The following RASAL1 variants were observed in gnomAD, a reference collection of about 807,000 sequenced individuals.
RASAL1 encodes the protein RAS protein activator like 1.
Under a neutral mutation model 96.6 loss-of-function variants are expected in RASAL1, and 72 were observed. The ratio of observed to expected loss-of-function variants is 0.75; its 90% CI spans 0.62 to 0.91. The LOEUF (loss-of-function observed/expected upper bound fraction) is 0.91. Ranked by LOEUF, RASAL1 falls within the 40% of genes least tolerant of loss-of-function variation. RASAL1 has a pLI of 0.00. For missense variants in RASAL1, 1,016 were observed against 1,072.5 expected, an observed-to-expected ratio of 0.95 and a Z score of 0.74; for synonymous variants, 405 against 430.4, an observed-to-expected ratio of 0.94 and a Z score of 0.73.
chr12:113,126,295 A>T (rs188858936), intron 4 of RASAL1, among the ~76,000 whole-genome samples: 139 of 152,226 alleles, frequency 9.1e-4, no homozygotes, highest in African/African-American at 2.3e-3. Context: ...AAAAATAAAT[A>T]AATTAATTAA....
chr12:113,111,007 C>T (rs1950846501), intron 13 of RASAL1, among the ~76,000 whole-genome samples: 1 of 152,200 alleles, frequency 6.6e-6, no homozygotes, highest in Non-Finnish European at 1.5e-5. Flanking sequence ...TCCTATATGG[C>T]AGTGATCCCC....
intron 15 of RASAL1, among the ~76,000 whole-genome samples, chr12:113,106,610 G>C (rs1253022250): frequency 2.6e-5 from 4 of 151,976 alleles, no homozygotes; most frequent in African/African-American, 9.7e-5. Flanking sequence ...GATCCTCAAG[G>C]CTCTCTAACT....
At chr12:113,107,491 C>T (rs1043390104) in intron 14 of RASAL1, 9 of 592,606 alleles carry the variant, frequency 1.5e-5, no homozygotes, top group Admixed American at 1.3e-4. Context: ...GTCGTGGTGG[C>T]TCACGCCTGT....
chr12:113,107,341 T>C lies in RASAL1; in HGVS notation c.1513-100A>G, dbSNP rs998865857. 1.2e-5 allele frequency: 16 copies of C among 1,366,714 alleles called. No individual in the cohort carries two copies. The Admixed American group carries it at 4.0e-4, about 34-fold the overall frequency. The allele number at this position is 1,366,714 out of a possible 1,614,324, so 84.7% of individuals were successfully genotyped here. A position where few individuals can be genotyped will look rare whatever the true frequency, so the allele number is the denominator to read the frequency against. On this transcript the variant is annotated intron_variant, in intron 14 of 20. Coordinates refer to ENST00000548055, the MANE Select transcript of RASAL1 (RefSeq NM_001301202.2). ...GTGCTCAATAAAAGAAGACTCATAT[T>C]GCCGGGCACAGTGGCTCATGCCTGT...
chr12:113,114,112 T>A (rs1330825738), intron 12 of RASAL1, among the ~76,000 whole-genome samples: 1 of 152,176 alleles, frequency 6.6e-6, no homozygotes, highest in Non-Finnish European at 1.5e-5. Context: ...ATAAGGGACA[T>A]TTTAGAAGTA....
intron 16 of RASAL1, among the ~76,000 whole-genome samples, chr12:113,105,212 G>T (rs1950604200): frequency 6.6e-6 from 1 of 152,270 alleles, no homozygotes; most frequent in Non-Finnish European, 1.5e-5. Context: ...CCCCACAAGG[G>T]CAGGATTTTC....
intron 7 of RASAL1, among the ~76,000 whole-genome samples, chr12:113,117,402 G>A (rs919535949): frequency 2.6e-5 from 4 of 152,204 alleles, no homozygotes; most frequent in Non-Finnish European, 5.9e-5. Flanking sequence ...GAGGCTCAGC[G>A]ATGTGGAGTG....
At chr12:113,128,265 CACACACACACACACACGGGAATCCAG>C in intron 2 of RASAL1, 87 bp from the exon 3 acceptor site, 1 of 744,728 alleles carries the variant, frequency 1.3e-6, no homozygotes, top group Non-Finnish European at 2.3e-6. Context: ...CACACACACA[CACACACACACACACACGGGAATCCAG>C]ACACACACAC....
rs781456563 is a variant in RASAL1 at position 113,119,451 on chromosome 12, C to A, written c.429-8G>T. Reference sequence around the variant, plus strand: ...TCTCTGGGAGCCAGGTCCCTGGGAACAGATGGGGAAAGGAGTGAGGAAACA... The same window carrying A: ...TCTCTGGGAGCCAGGTCCCTGGGAAAAGATGGGGAAAGGAGTGAGGAAACA... On this transcript the variant is annotated splice_polypyrimidine_tract_variant and splice_region_variant and intron_variant, in intron 5 of 20. Transcript: ENST00000548055. The A allele has an allele frequency of 6.3e-6, 10 of 1,599,004 alleles. No individual in the cohort carries two copies. The African/African-American group carries it at 1.2e-4, about 19-fold the overall frequency.
intron 4 of RASAL1, among the ~76,000 whole-genome samples, chr12:113,124,982 C>G (rs1240499530): frequency 6.6e-6 from 1 of 151,894 alleles, no homozygotes; most frequent in Non-Finnish European, 1.5e-5. Flanking sequence ...CAATAAATGG[C>G]CAGGCATGGT....
intron 5 of RASAL1, 70 bp from the exon 6 acceptor site, chr12:113,119,513 G>A (rs1173958160): frequency 3.6e-6 from 5 of 1,399,410 alleles, no homozygotes; most frequent in Non-Finnish European, 4.9e-6. Flanking sequence ...GCTGTTAAGA[G>A]TAGATCATTC....
Position 113,128,214 on chromosome 12 carries a change from G to A in RASAL1, c.123-36C>T, listed in dbSNP as rs775357703. 4 of 1,421,094 alleles carry A rather than the reference G, an allele frequency of 2.8e-6. No homozygotes were observed. The African/African-American group carries it at 4.2e-5, about 15-fold the overall frequency. 88.0% of individuals were successfully genotyped at this position (1,421,094 alleles called of 1,614,324 possible). A position where few individuals can be genotyped will look rare whatever the true frequency, so the allele number is the denominator to read the frequency against. The stretch of plus-strand genomic sequence containing the variant: ...AGGTGCAGGGGGCTGGGGTCCTCGG[G>A]CCACACAGGAGGCAGACACCTGGAG... On this transcript the variant is annotated intron_variant, in intron 2 of 20. Transcript: ENST00000548055.
intron 18 of RASAL1, among the ~76,000 whole-genome samples, chr12:113,102,717 C>T (rs1389401235): frequency 2.0e-5 from 3 of 152,040 alleles, no homozygotes; most frequent in Non-Finnish European, 4.4e-5. Flanking sequence ...GACTCTGTCT[C>T]AAAAACAAAA....
intron 1 of RASAL1, among the ~76,000 whole-genome samples, chr12:113,132,357 C>G (rs1248877165): frequency 6.6e-6 from 1 of 152,044 alleles, no homozygotes; most frequent in Non-Finnish European, 1.5e-5. Context: ...GAGTCTGTGT[C>G]CCCCACTTCC....
In RASAL1 at chr12:113,115,984, A is replaced by G. The variant is rs1376047551; in HGVS notation, c.799T>C (p.Tyr267His). The G allele has an allele frequency of 6.2e-7, 1 of 1,610,512 alleles. No individual in the cohort carries two copies. The highest frequency in any genetic ancestry group is 1.7e-5 in the Admixed American group (1 of 59,586). The change falls in exon 9 of 21, where the codon TAC (tyrosine) becomes CAC (histidine). Residue 267 changes from tyrosine (Y) to histidine (H), a missense_variant. Tyr to His is a moderately conservative substitution (Grantham distance 83). Transcript: ENST00000548055. This position sits in a 1 kb window ranked among gnomAD's most constrained non-coding sequence, Gnocchi z 4.1. ...ATGAGCAGCTCCATGAGAGGCTGGT[A>G]GCACTGGGAGGGCAGGACGCGGTCC... ...IEDRVLPSQC[Y>H]QPLMELLMES...
intron 20 of RASAL1, among the ~76,000 whole-genome samples, chr12:113,100,269 G>A (rs763696150): frequency 6.6e-5 from 10 of 152,168 alleles, no homozygotes; most frequent in South Asian, 2.1e-4. Flanking sequence ...AAGTGCCTGC[G>A]AAGAAAAAGG....
intron 4 of RASAL1, 32 bp downstream of exon 4, chr12:113,127,780 C>G (rs1951540868): frequency 6.3e-7 from 1 of 1,589,398 alleles, no homozygotes; most frequent in South Asian, 1.1e-5. Flanking sequence ...GGGCATGGCC[C>G]CCTCCTCCCT....
At position 113,115,733 on chromosome 12, in the gene RASAL1, C is replaced by A. The variant is rs1295401502; in HGVS notation, c.905G>T (p.Arg302Leu). ...LLEELTLGDC[R>L]QDLATKLVKL... ...CACCAGCTTGGTGGCAAGGTCCTGG[C>A]GGCAGTCCCCCAAGGTCAGCTCTTC... The change falls in exon 10 of 21, where the codon CGC becomes CTC. Residue 302 changes from arginine to leucine, a missense_variant. Coordinates refer to ENST00000548055, the MANE Select transcript of RASAL1 (RefSeq NM_001301202.2). The surrounding 1 kb of genome is among the most constrained non-coding windows in gnomAD (Gnocchi z 4.1). The A allele has an allele frequency of 3.7e-6, 6 of 1,614,146 alleles. No individual in the cohort carries two copies. The highest frequency in any genetic ancestry group is 4.2e-6 in the Non-Finnish European group (5 of 1,180,024).
chr12:113,120,750 C>T (rs1951265340), intron 5 of RASAL1, among the ~76,000 whole-genome samples: 1 of 152,150 alleles, frequency 6.6e-6, no homozygotes, highest in Non-Finnish European at 1.5e-5. Flanking sequence ...TGTGGGTTTT[C>T]CTGGTCTTGC....
Sources: allele counts gnomAD v4.1 joint callset (sites outside exome capture counted in the v4.1 genomes callset), GRCh38; gene constraint gnomAD v4.1.1; non-coding constraint Gnocchi (gnomAD v3.1); transcripts MANE v1.5; gene names NCBI Gene and HGNC (gene_info 2026-07-23, HGNC 2026-07-21).